Variants in UNC13D observed in about 807,000 individuals in gnomAD.
UNC13D encodes protein unc-13 homolog D.
A neutral mutation model predicts 151.7 loss-of-function variants in UNC13D; 115 were observed. That is an observed-to-expected ratio of 0.76 (90% CI 0.65 to 0.88). UNC13D has a LOEUF of 0.88. Among genes scored for constraint, UNC13D ranks in the 40% least tolerant of loss-of-function variants. UNC13D has a pLI of 0.00. For synonymous variants in UNC13D, 588 were observed against 612.2 expected (o/e 0.96, Z 0.58); for missense variants, 1,369 against 1,438.7 (o/e 0.95, Z 0.78).
rs369433391 is a variant in UNC13D, at chr17:75,843,274, A to T, written c.154-8T>A. On this transcript the variant is annotated splice_region_variant and splice_polypyrimidine_tract_variant and intron_variant, in intron 2 of 31. Transcript: ENST00000207549. ...CTCGTAGAGCAGGGCCCGCTAAGAC[A>T]CACGGGGTCACCTTGGGGACCCCAC... is the stretch of plus-strand genomic sequence containing the variant. The T allele has an allele frequency of 1.1e-3, 1,767 of 1,605,134 alleles. 31 individuals are homozygous for T. The South Asian group carries it at 0.017, about 16-fold the overall frequency.
chr17:75,831,171 TG>T lies in UNC13D; in HGVS notation c.2554-3del, dbSNP rs1567817110. 6.2e-7 allele frequency: 1 copy of T among 1,614,108 alleles called. No homozygotes were observed. Among genetic ancestry groups the T allele is most frequent in the Non-Finnish European group, 8.5e-7 (1 of 1,180,034 alleles). ...AGCGTGGAAGCAGATCTCCAGGTTC[TG>T]GGGGAGATATCAGAGGTGACCCCAG... is the stretch of plus-strand genomic sequence containing the variant. On this transcript the variant is annotated splice_region_variant and splice_polypyrimidine_tract_variant and intron_variant, in intron 26 of 31. Coordinates refer to ENST00000207549, the MANE Select transcript of UNC13D (RefSeq NM_199242.3).
rs1228179384 is a variant in UNC13D, at chr17:75,836,904, T to C, written c.1070A>G (p.Tyr357Cys). The C allele has an allele frequency of 1.2e-6, 2 of 1,612,444 alleles. No homozygotes were observed. Among genetic ancestry groups the C allele is most frequent in the Non-Finnish European group, 1.7e-6 (2 of 1,179,928 alleles). The part of the protein sequence containing the change: ...FHQSMAQWLA[Y>C]SRLYQSLEFP... ...CTCCAGGCTCTGGTAGAGGCGGCTGTAGGCCAGCCACTGCCTGCAGGGGAC... is the reference window on the plus strand; with the variant it reads ...CTCCAGGCTCTGGTAGAGGCGGCTGCAGGCCAGCCACTGCCTGCAGGGGAC... The change falls in exon 13 of 32, where the codon TAC becomes TGC. Residue 357 changes from tyrosine (Y) to cysteine (C), a missense_variant. Transcript: ENST00000207549.
chr17:75,828,862 G>T lies in UNC13D; in HGVS notation c.3076C>A (p.Pro1026Thr), dbSNP rs1185866259. Residue 1026 changes from proline (P) to threonine (T), a missense_variant, in exon 31 of 32, where the codon CCC (proline) becomes ACC (threonine). Physicochemically the swap from Pro to Thr is conservative, Grantham distance 38. This residue lies in a region of UNC13D where 807 missense variants were observed against 795.5 expected (regional missense o/e 1.01). Transcript: ENST00000207549. ...GEAFLPLREVPGLSGSEEPGE... is the reference protein window; with the variant it reads ...GEAFLPLREVTGLSGSEEPGE... ...GGCTCCTCAGAGCCACTCAGCCCGG[G>T]CACCTCACGCAGCGGCAGGAAGGCC... The T allele has an allele frequency of 1.3e-6, 2 of 1,597,170 alleles. No individual in the cohort carries two copies. The highest frequency in any genetic ancestry group is 1.7e-5 in the Admixed American group (1 of 57,590).
chr17:75,835,067 G>A lies in UNC13D; in HGVS notation c.1849-4C>T, dbSNP rs1426669345. The A allele has an allele frequency of 6.2e-7, 1 of 1,613,738 alleles. No individual in the cohort carries two copies. The highest frequency in any genetic ancestry group is 1.7e-5 in the Admixed American group (1 of 60,006). The stretch of plus-strand genomic sequence containing the variant: ...TCAGTTCACCCAGGGGCACCAGCTG[G>A]GGGAAGAAAGGAGGACTCAGGATAC... On this transcript the variant is annotated splice_region_variant and splice_polypyrimidine_tract_variant and intron_variant, in intron 20 of 31. Transcript: ENST00000207549.
At position 75,827,680 on chromosome 17, in the gene UNC13D, C is replaced by T. The variant is rs755935137; in HGVS notation, c.*285G>A. On this transcript the variant is annotated 3_prime_UTR_variant, in exon 32 of 32. Transcript: ENST00000207549. ...TCCCCTGCCCACCACAGCAGCTTTT[C>T]TGAGAGGCGGGCAGGGGCAGGGTTT... 2 of 1,529,952 alleles carry T rather than the reference C, an allele frequency of 1.3e-6. No homozygotes were observed. The highest frequency in any genetic ancestry group is 2.4e-5 in the South Asian group (2 of 83,782). The allele number at this position is 1,529,952 out of a possible 1,614,324, so 94.8% of individuals were successfully genotyped here.
rs781249801 is a variant in UNC13D at position 75,840,858 on chromosome 17, G to C, written c.615-28C>G. 1.7e-5 allele frequency: 27 copies of C among 1,613,904 alleles called. No individual in the cohort carries two copies. The highest frequency in any genetic ancestry group is 2.1e-5 in the Non-Finnish European group (25 of 1,180,000). On this transcript the variant is annotated intron_variant, in intron 7 of 31. Transcript: ENST00000207549. The surrounding 1 kb of genome is among the most constrained non-coding windows in gnomAD (Gnocchi z 4.6). ...GGCAGGACAGAGGTTTGAGAAGGAA[G>C]CAGAGAGAGTGCCTACGACCTCTTC...
In UNC13D at chr17:75,842,555, G is replaced by A. The variant is rs1412791848; in HGVS notation, c.447C>T (p.Gly149=). The A allele has an allele frequency of 6.2e-7, 1 of 1,611,814 alleles. No individual in the cohort carries two copies. Among genetic ancestry groups the A allele is most frequent in the Non-Finnish European group, 8.5e-7 (1 of 1,179,172 alleles). ...TCTGCCGATGCCGGGACCCGGGGCT[G>A]CCCCCTGGCACACCTACCCCCTGCT... ...GIEQGVGVPG[G]SPGSRHRQKA... is the part of the protein sequence containing the mutation. The change falls in exon 6 of 32, where the codon GGC becomes GGT. Residue 149 remains glycine (G), a synonymous_variant. Transcript: ENST00000207549.
At chr17:75,836,301 G>A (rs11654489) in intron 15 of UNC13D, 38 bp downstream of exon 15, 2 of 1,613,340 alleles carry the variant, frequency 1.2e-6, no homozygotes, top group Admixed American at 3.3e-5. Context: ...GCCAGGCCCA[G>A]GCGCTGGTCT....
In UNC13D at chr17:75,833,287, G is replaced by T. The variant is rs115623631; in HGVS notation, c.2368-242C>A. The T allele has an allele frequency of 5.1e-5, 21 of 413,568 alleles. No homozygotes were observed. The South Asian group carries it at 6.3e-4, about 12-fold the overall frequency. 25.6% of individuals were successfully genotyped at this position (413,568 alleles called of 1,614,324 possible). On this transcript the variant is annotated intron_variant, in intron 24 of 31. Coordinates refer to ENST00000207549, the MANE Select transcript of UNC13D (RefSeq NM_199242.3). The surrounding 1 kb of genome is among the most constrained non-coding windows in gnomAD (Gnocchi z 4.0). ...CTTCCAGGCATGGTCCTGCCTCAGG[G>T]TCTCTGCCCTTGCCGTTCCCTCTGC...
chr17:75,839,131 A>G (rs1410668456), intron 12 of UNC13D, among the ~76,000 whole-genome samples: 1 of 151,362 alleles, frequency 6.6e-6, no homozygotes, highest in African/African-American at 2.4e-5. Context: ...GGCTCGGTGC[A>G]GTGGCTCATG....
In UNC13D at chr17:75,830,365, T is replaced by C. The variant is rs2064862186; in HGVS notation, c.2827A>G (p.Asn943Asp). Residue 943 changes from asparagine (N) to aspartate (D), a missense_variant, in exon 29 of 32, where the codon AAT becomes GAT. Asn to Asp is a conservative substitution (Grantham distance 23). Transcript: ENST00000207549. Reference sequence around the variant, plus strand: ...GCCAAAGGCAGCCTCCACTCACCATTGGAGTCCAGGGGCAGCAGGCTGGAG... The same window carrying C: ...GCCAAAGGCAGCCTCCACTCACCATCGGAGTCCAGGGGCAGCAGGCTGGAG... The part of the protein sequence containing the change: ...SASSLLPLDS[N>D]GSSDPFVQLT... 1.9e-6 allele frequency: 3 copies of C among 1,593,686 alleles called. No homozygotes were observed. Among genetic ancestry groups the C allele is most frequent in the East Asian group, 2.3e-5 (1 of 44,226 alleles).
At position 75,827,593 on chromosome 17, in the gene UNC13D, C is replaced by T. The variant is rs779268147; in HGVS notation, c.*372G>A. 6.5e-7 allele frequency: 1 copy of T among 1,532,984 alleles called. No individual in the cohort carries two copies. Among genetic ancestry groups the T allele is most frequent in the South Asian group, 1.2e-5 (1 of 84,036 alleles). The allele number at this position is 1,532,984 out of a possible 1,614,324, so 95.0% of individuals were successfully genotyped here. On this transcript the variant is annotated 3_prime_UTR_variant, in exon 32 of 32. Coordinates refer to ENST00000207549, the MANE Select transcript of UNC13D (RefSeq NM_199242.3). ...GTCCCAGTGAACCTGGCCCCCACCC[C>T]AGTGGCTGGAACAGGAAGGCCAGGA...
rs1478493255 is a variant in UNC13D, at chr17:75,836,003, T to A, written c.1544+9A>T. 1 of 1,614,158 alleles carries A rather than the reference T, an allele frequency of 6.2e-7. No individual in the cohort carries two copies. The highest frequency in any genetic ancestry group is 8.5e-7 in the Non-Finnish European group (1 of 1,180,040). On this transcript the variant is annotated intron_variant, in intron 17 of 31. Transcript: ENST00000207549. ...GCCCCACTACCTCCCGACCTGGCTA[T>A]CTGCTCACTTGTGGAAGATCTTGTC...
chr17:75,836,031 A>T lies in UNC13D; in HGVS notation c.1525T>A (p.Trp509Arg). 1 of 1,614,004 alleles carries T rather than the reference A, an allele frequency of 6.2e-7. No individual in the cohort carries two copies. The highest frequency in any genetic ancestry group is 8.5e-7 in the Non-Finnish European group (1 of 1,180,020). ...GCTCACTTGTGGAAGATCTTGTCCC[A>T]TGTGCGCTGGCACTGGTGCAGGTCG... ...IGDLHQCQRT[W>R]DKIFHNTLKI... is the part of the protein sequence containing the mutation. Residue 509 changes from tryptophan to arginine, a missense_variant, in exon 17 of 32, where the codon TGG becomes AGG. Trp to Arg is a moderately radical substitution (Grantham distance 101). Transcript: ENST00000207549.
chr17:75,829,318 C>T (rs1040913220), intron 30 of UNC13D, among the ~76,000 whole-genome samples: 3 of 152,180 alleles, frequency 2.0e-5, no homozygotes, highest in East Asian at 1.9e-4. Flanking sequence ...TTTTCTGAGA[C>T]GGAGTCTTGC....
At chr17:75,834,006 G>T in intron 24 of UNC13D, 69 bp downstream of exon 24, 1 of 1,584,430 alleles carries the variant, frequency 6.3e-7, no homozygotes. Context: ...TGACACCAAG[G>T]CCTTCAATGA....
intron 5 of UNC13D, 119 bp downstream of exon 5, chr17:75,842,738 G>A: frequency 6.3e-7 from 1 of 1,588,180 alleles, no homozygotes; most frequent in Non-Finnish European, 8.6e-7. Context: ...GCAGCATGGG[G>A]GGCCAGCGCT....
Position 75,840,207 on chromosome 17 carries a change from G to A in UNC13D, c.858+18C>T, listed in dbSNP as rs2064937981. On this transcript the variant is annotated intron_variant, in intron 10 of 31. Transcript: ENST00000207549. This position sits in a 1 kb window ranked among gnomAD's most constrained non-coding sequence, Gnocchi z 4.6. The stretch of plus-strand genomic sequence containing the variant: ...CCGCAAGAGCTGGGCATGGCCACTG[G>A]CCCAGTACCCGACCTACCCGCTTAT... 3 of 1,613,384 alleles carry A rather than the reference G, an allele frequency of 1.9e-6. No individual in the cohort carries two copies. The highest frequency in any genetic ancestry group is 1.3e-5 in the African/African-American group (1 of 74,914).
In UNC13D at chr17:75,840,741, T is replaced by C. The variant is rs997551203; in HGVS notation, c.683+21A>G. The C allele has an allele frequency of 7.4e-6, 12 of 1,613,706 alleles. No homozygotes were observed. The highest frequency in any genetic ancestry group is 1.7e-5 in the Admixed American group (1 of 59,986). On this transcript the variant is annotated intron_variant, in intron 8 of 31. Transcript: ENST00000207549. This position sits in a 1 kb window ranked among gnomAD's most constrained non-coding sequence, Gnocchi z 4.6. ...GCAAAAGGAGCCCCAACCCCTTCCC[T>C]GTGAGCCCTGCAACACGAACCTGCG... is the stretch of plus-strand genomic sequence containing the variant.
Sources: allele counts gnomAD v4.1 joint callset (sites outside exome capture counted in the v4.1 genomes callset), GRCh38; gene constraint gnomAD v4.1.1; regional missense constraint gnomAD v4.1.1; non-coding constraint Gnocchi (gnomAD v3.1); transcripts MANE v1.5; gene names NCBI Gene and HGNC (gene_info 2026-07-23, HGNC 2026-07-21).